EBF2: variants seen among roughly 807,000 people sequenced by gnomAD.
EBF2 encodes the protein transcription factor COE2.
In EBF2, 21 loss-of-function variants were observed where a neutral mutation model predicts 72.8. That is an observed-to-expected ratio of 0.29 (90% confidence interval 0.20 to 0.42). The LOEUF is 0.42. Ranked by LOEUF, EBF2 falls within the 10% of genes least tolerant of loss-of-function variation. The pLI is 1.00. For synonymous variants in EBF2, 299 were observed against 274.2 expected (o/e 1.09, Z -0.89); for missense variants, 637 against 731.2 (o/e 0.87, Z 1.49).
At chr8:25,934,224 TACACACAC>T (rs71216403) in intron 6 of EBF2, among the ~76,000 whole-genome samples, 15,852 of 136,688 alleles carry the variant, frequency 0.12, 895 homozygotes, top group African/African-American at 0.15. Context: ...TTCATGTGCA[TACACACAC>T]ACACACACAC....
chr8:25,908,132 G>C (rs909416296), intron 7 of EBF2, among the ~76,000 whole-genome samples: 2 of 152,196 alleles, frequency 1.3e-5, no homozygotes, highest in Admixed American at 1.3e-4. Context: ...ATACAGAGAA[G>C]CTGCTCTGAA....
chr8:25,999,373 G>A (rs542277962), intron 6 of EBF2, among the ~76,000 whole-genome samples: 1 of 152,268 alleles, frequency 6.6e-6, no homozygotes, highest in East Asian at 1.9e-4. Context: ...ATCAGATGAA[G>A]ATGTATTTGA....
intron 6 of EBF2, among the ~76,000 whole-genome samples, chr8:25,925,867 T>C (rs1344167541): frequency 2.0e-5 from 3 of 152,066 alleles, no homozygotes; most frequent in Non-Finnish European, 4.4e-5. Context: ...TTATAGCCCG[T>C]GTGGGGGAAT....
At chr8:25,998,961 T>C (rs1019013997) in intron 6 of EBF2, among the ~76,000 whole-genome samples, 5 of 151,992 alleles carry the variant, frequency 3.3e-5, no homozygotes, top group Admixed American at 3.3e-4. Flanking sequence ...GAGTAACTAG[T>C]ATAGGGAAAG....
chr8:25,885,975 A>T (rs1802683933), intron 10 of EBF2, among the ~76,000 whole-genome samples: 1 of 151,872 alleles, frequency 6.6e-6, no homozygotes, highest in African/African-American at 2.4e-5. Flanking sequence ...TGCTCACCTC[A>T]CCCTGTGGCC....
chr8:25,940,876 CA>C (rs1222814536), intron 6 of EBF2, among the ~76,000 whole-genome samples: 1 of 152,088 alleles, frequency 6.6e-6, no homozygotes, highest in Non-Finnish European at 1.5e-5. Context: ...CCCCAGCCAC[CA>C]GTGCCTCCCC....
intron 4 of EBF2, 138 bp downstream of exon 4, chr8:26,040,478 G>T: frequency 2.6e-6 from 2 of 761,820 alleles, no homozygotes; most frequent in Non-Finnish European, 4.2e-6. Context: ...CAGACAAGGT[G>T]CTGGGAGGGG....
chr8:26,038,203 C>T (rs1459440308), intron 5 of EBF2, among the ~76,000 whole-genome samples: 1 of 152,228 alleles, frequency 6.6e-6, no homozygotes, highest in Non-Finnish European at 1.5e-5. Context: ...ATGCTGCAGA[C>T]AGTATCCATC....
At chr8:25,871,238 C>T (rs570993053) in intron 10 of EBF2, among the ~76,000 whole-genome samples, 28 of 152,242 alleles carry the variant, frequency 1.8e-4, no homozygotes, top group Middle Eastern at 3.4e-3. Context: ...GCTCAATTAG[C>T]TAATGAGGTG....
chr8:25,925,988 C>T (rs1803379746), intron 6 of EBF2, among the ~76,000 whole-genome samples: 3 of 152,114 alleles, frequency 2.0e-5, no homozygotes, highest in South Asian at 2.1e-4. Context: ...CCAGCCAATT[C>T]CTTGATATGC....
At chr8:25,962,477 C>A (rs1479101114) in intron 6 of EBF2, among the ~76,000 whole-genome samples, 2 of 152,096 alleles carry the variant, frequency 1.3e-5, no homozygotes, top group Non-Finnish European at 2.9e-5. Context: ...GCCTCTGAAC[C>A]TAAAGCCATC....
Position 25,874,941 on chromosome 8 carries a change from C to A in EBF2, c.1009+11814G>T, listed in dbSNP as rs528290168. 2.0e-5 allele frequency among the ~76,000 whole-genome samples: 3 copies of A among 151,014 alleles called. No homozygotes were observed. The East Asian group carries it at 5.9e-4, about 29-fold the overall frequency. On this transcript the variant is annotated intron_variant, in intron 10 of 15. Transcript: ENST00000520164. ...CCTCAAGTGATCCTCTGGCCTCAGC[C>A]TCCCAAAGTACTGGAATTTCAGGGG...
chr8:25,934,274 CA>C (rs1249721988), intron 6 of EBF2, among the ~76,000 whole-genome samples: 8 of 132,642 alleles, frequency 6.0e-5, no homozygotes, highest in Middle Eastern at 3.9e-3. Context: ...CACACACACA[CA>C]CCAATCTTGT....
intron 14 of EBF2, among the ~76,000 whole-genome samples, chr8:25,851,604 C>T (rs1344114933): frequency 1.3e-5 from 2 of 152,106 alleles, no homozygotes; most frequent in East Asian, 3.9e-4. Flanking sequence ...AACTAGAGTA[C>T]ACAAGGGCAA....
At chr8:26,003,873 A>C (rs1428872867) in intron 6 of EBF2, among the ~76,000 whole-genome samples, 2 of 152,152 alleles carry the variant, frequency 1.3e-5, no homozygotes, top group South Asian at 2.1e-4. Flanking sequence ...CCAGGAGGAC[A>C]ATTAGGGATT....
At chr8:25,968,755 A>G (rs2117186455) in intron 6 of EBF2, among the ~76,000 whole-genome samples, 1 of 152,286 alleles carries the variant, frequency 6.6e-6, no homozygotes, top group South Asian at 2.1e-4. Context: ...ACGGGGTTTC[A>G]CTGTGTTGGC....
chr8:25,869,580 G>A (rs1802395590), intron 10 of EBF2, among the ~76,000 whole-genome samples: 2 of 151,926 alleles, frequency 1.3e-5, no homozygotes, highest in Non-Finnish European at 2.9e-5. Flanking sequence ...TTGGGGGTGG[G>A]GGCCGATTAA....
At chr8:25,970,268 A>G (rs1804170931) in intron 6 of EBF2, among the ~76,000 whole-genome samples, 1 of 152,070 alleles carries the variant, frequency 6.6e-6, no homozygotes, top group South Asian at 2.1e-4. Flanking sequence ...CTGGTACCAA[A>G]GCGTAAGTGA....
intron 10 of EBF2, among the ~76,000 whole-genome samples, chr8:25,867,667 A>G (rs1802358122): frequency 6.6e-6 from 1 of 152,204 alleles, no homozygotes; most frequent in African/African-American, 2.4e-5. Flanking sequence ...GCTACATGCT[A>G]ATCGTCATAA....
Sources: gnomAD v4.1 joint callset for allele counts (sites outside exome capture counted in the v4.1 genomes callset) on GRCh38, gnomAD v4.1.1 for gene constraint, MANE v1.5 for transcripts, NCBI Gene and HGNC (gene_info 2026-07-23, HGNC 2026-07-21) for gene names.